Variants in KALRN observed in about 807,000 individuals in gnomAD.
KALRN encodes the protein kalirin RhoGEF kinase, also known as kalirin.
A neutral mutation model predicts 353.7 loss-of-function variants in KALRN; 70 were observed. The observed-to-expected ratio is 0.20, with a 90% confidence interval of 0.16 to 0.24. The LOEUF is 0.24. KALRN is among the 10% of genes least tolerant of loss of function. KALRN has a pLI of 1.00. For synonymous variants in KALRN, 1,391 were observed against 1,434.8 expected (o/e 0.97, Z 0.69); for missense variants, 2,791 against 3,756.7 (o/e 0.74, Z 6.72).
intron 28 of KALRN, among the ~76,000 whole-genome samples, chr3:124,484,771 T>A (rs546205245): frequency 6.6e-6 from 1 of 152,372 alleles, no homozygotes; most frequent in African/African-American, 2.4e-5. Context: ...TGTAATTATC[T>A]TCTTCTTTCC....
At chr3:124,050,979 G>C (rs560727613) in intron 1 of KALRN, among the ~76,000 whole-genome samples, 2 of 152,280 alleles carry the variant, frequency 1.3e-5, no homozygotes, top group East Asian at 3.9e-4. Context: ...ATGCAAAAGA[G>C]GAAAGTACAT....
At chr3:124,462,801 C>T (rs927880035) in intron 25 of KALRN, 168 bp downstream of exon 25, 9 of 556,818 alleles carry the variant, frequency 1.6e-5, no homozygotes, top group Non-Finnish European at 2.6e-5. Flanking sequence ...CATAATTGTC[C>T]GAAAGTCCTA....
intron 54 of KALRN, 114 bp downstream of exon 54, chr3:124,696,369 C>T (rs111631663): frequency 1.5e-5 from 13 of 876,546 alleles, no homozygotes; most frequent in African/African-American, 5.1e-5. Flanking sequence ...CTCCCAGGCT[C>T]AAGCACTCCA....
chr3:124,189,536 C>T (rs1005454253), intron 1 of KALRN, among the ~76,000 whole-genome samples: 5 of 152,164 alleles, frequency 3.3e-5, no homozygotes, highest in Non-Finnish European at 7.3e-5. Flanking sequence ...AGCAAGGTGG[C>T]TCATGCCTGT....
intron 15 of KALRN, among the ~76,000 whole-genome samples, chr3:124,426,984 T>G (rs139767952): frequency 5.3e-5 from 8 of 152,374 alleles, no homozygotes; most frequent in Non-Finnish European, 1.0e-4. Flanking sequence ...TATATTTATT[T>G]GATTACTAAA....
intron 33 of KALRN, among the ~76,000 whole-genome samples, chr3:124,523,444 C>CTAT (rs1434863414): frequency 6.6e-6 from 1 of 152,196 alleles, no homozygotes; most frequent in Non-Finnish European, 1.5e-5. Context: ...GGAGAAAATG[C>CTAT]TAACTCATTT....
chr3:124,067,312 A>G (rs1027992301), intron 1 of KALRN, among the ~76,000 whole-genome samples: 5 of 87,968 alleles, frequency 5.7e-5, no homozygotes, highest in Non-Finnish European at 7.0e-5. Context: ...ACCCCACCCC[A>G]CCCCACCGCA....
At chr3:124,060,297 T>C (rs1431703202) in intron 1 of KALRN, among the ~76,000 whole-genome samples, 3 of 152,202 alleles carry the variant, frequency 2.0e-5, no homozygotes, top group Non-Finnish European at 4.4e-5. Flanking sequence ...ATCAGCTCTG[T>C]AATTTGCTGG....
At chr3:124,461,202 C>G (rs2059826848) in intron 23 of KALRN, among the ~76,000 whole-genome samples, 1 of 152,072 alleles carries the variant, frequency 6.6e-6, no homozygotes, top group African/African-American at 2.4e-5. Flanking sequence ...AGATAAAATT[C>G]AAATTTTAGT....
At chr3:124,659,489 A>C (rs1238384397) in intron 43 of KALRN, 32 bp downstream of exon 43, 3 of 1,438,598 alleles carry the variant, frequency 2.1e-6, no homozygotes, top group Non-Finnish European at 2.9e-6. Context: ...TGAGGGCTGG[A>C]GAAGGATCCA....
chr3:124,642,806 G>GTTTTTTTTTTTTTGTTGTTGTTTTTTT (rs2082213566), intron 37 of KALRN, among the ~76,000 whole-genome samples: 1 of 96,840 alleles, frequency 1.0e-5, no homozygotes, highest in African/African-American at 4.5e-5. Context: ...CCCAAGCCTC[G>GTTTTTTTTTTTTTGTTGTTGTTTTTTT]TTTTTTTTTT....
At chr3:124,446,342 C>A in intron 20 of KALRN, 66 bp downstream of exon 20, 1 of 1,210,750 alleles carries the variant, frequency 8.3e-7, no homozygotes, top group Non-Finnish European at 1.2e-6. Flanking sequence ...ATCACCAAGG[C>A]TTAGTCCAGA....
intron 34 of KALRN, chr3:124,584,680 C>A: frequency 7.0e-7 from 1 of 1,432,504 alleles, no homozygotes; most frequent in Non-Finnish European, 9.1e-7. Flanking sequence ...TAAGTCAGAG[C>A]TGCGGCCGCG....
intron 6 of KALRN, among the ~76,000 whole-genome samples, chr3:124,314,258 C>T (rs2078580790): frequency 6.7e-6 from 1 of 149,310 alleles, no homozygotes; most frequent in African/African-American, 2.5e-5. Context: ...GGACAGAAAA[C>T]CAAACACCGC....
intron 34 of KALRN, among the ~76,000 whole-genome samples, chr3:124,594,258 G>A (rs2076068494): frequency 6.6e-6 from 1 of 152,018 alleles, no homozygotes; most frequent in Admixed American, 6.6e-5. Context: ...ACAGAGTCTC[G>A]CTCTGTCACC....
At chr3:124,680,731 C>A (rs1007628385) in intron 51 of KALRN, among the ~76,000 whole-genome samples, 1 of 152,156 alleles carries the variant, frequency 6.6e-6, no homozygotes, top group African/African-American at 2.4e-5. Flanking sequence ...CCGAGGCAAT[C>A]GGCTGACAAT....
chr3:124,301,883 A>G (rs1191296557), intron 6 of KALRN, among the ~76,000 whole-genome samples: 1 of 152,254 alleles, frequency 6.6e-6, no homozygotes, highest in Non-Finnish European at 1.5e-5. Context: ...AAATGTACAT[A>G]TAGCATACTT....
At chr3:124,718,029 C>G (rs1432196492) in intron 59 of KALRN, among the ~76,000 whole-genome samples, 1 of 151,286 alleles carries the variant, frequency 6.6e-6, no homozygotes, top group Non-Finnish European at 1.5e-5. Context: ...CCAGGCTGGT[C>G]TTGAACTCCT....
chr3:124,041,536 C>T (rs1400284703), intron 1 of KALRN, among the ~76,000 whole-genome samples: 2 of 152,130 alleles, frequency 1.3e-5, no homozygotes, highest in Non-Finnish European at 2.9e-5. Flanking sequence ...GATGGGGCAC[C>T]CTTTTACAGC....
Sources: gnomAD v4.1 joint callset for allele counts (sites outside exome capture counted in the v4.1 genomes callset) on GRCh38, gnomAD v4.1.1 for gene constraint, MANE v1.5 for transcripts, NCBI Gene and HGNC (gene_info 2026-07-23, HGNC 2026-07-21) for gene names.